ADAMTS17: variants seen among roughly 807,000 people sequenced by gnomAD.
ADAMTS17 encodes the protein ADAM metallopeptidase with thrombospondin type 1 motif 17, also known as A disintegrin and metalloproteinase with thrombospondin motifs 17.
A neutral mutation model predicts 141.5 loss-of-function variants in ADAMTS17; 113 were observed. The ratio of observed to expected loss-of-function variants is 0.80; its 90% CI spans 0.69 to 0.93. ADAMTS17 has a LOEUF of 0.93. Ranked by LOEUF, ADAMTS17 falls within the 40% of genes least tolerant of loss-of-function variation. The probability of loss-of-function intolerance (pLI) is 0.00; values close to 1 mark genes in which losing one functional copy is unlikely to be tolerated. For synonymous variants in ADAMTS17, 768 were observed against 630.6 expected, an observed-to-expected ratio of 1.22 and a Z score of -3.27; for missense variants, 1,659 against 1,517.9, an observed-to-expected ratio of 1.09 and a Z score of -1.54.
chr15:100,199,241 C>G lies in ADAMTS17; in HGVS notation c.1181+77G>C, dbSNP rs2041230238. 5 of 1,337,180 alleles carry G rather than the reference C, an allele frequency of 3.7e-6. No individual in the cohort carries two copies. The South Asian group carries it at 5.9e-5, about 16-fold the overall frequency. The allele number at this position is 1,337,180 out of a possible 1,614,324, so 82.8% of individuals were successfully genotyped here. On this transcript the variant is annotated intron_variant, in intron 8 of 21. Coordinates refer to ENST00000268070, the MANE Select transcript of ADAMTS17 (RefSeq NM_139057.4). ...GGCATAGAGCAGCACTGTTTTAGAA[C>G]TTACAGAATTCAAGTGAAAAATCTG... is the stretch of plus-strand genomic sequence containing the variant.
At chr15:100,131,225 G>T (rs1567225576) in intron 12 of ADAMTS17, among the ~76,000 whole-genome samples, 1 of 112,364 alleles carries the variant, frequency 8.9e-6, no homozygotes, top group Non-Finnish European at 2.3e-5. Flanking sequence ...CGAGGGGGTT[G>T]AGGGGCAAGG....
At chr15:100,143,801 T>C (rs1423081387) in intron 10 of ADAMTS17, among the ~76,000 whole-genome samples, 5 of 152,256 alleles carry the variant, frequency 3.3e-5, no homozygotes, top group African/African-American at 1.2e-4. Flanking sequence ...ATTTGAAGCC[T>C]AGACTGCTCC....
chr15:100,096,910 C>T (rs1224032259), intron 14 of ADAMTS17, among the ~76,000 whole-genome samples: 1 of 152,228 alleles, frequency 6.6e-6, no homozygotes, highest in African/African-American at 2.4e-5. Flanking sequence ...GCTGAAACAA[C>T]CAGTAGTCTC....
intron 14 of ADAMTS17, among the ~76,000 whole-genome samples, chr15:100,099,150 C>T (rs2035944959): frequency 6.6e-6 from 1 of 152,146 alleles, no homozygotes; most frequent in African/African-American, 2.4e-5. Context: ...ACAGCGTTGC[C>T]CTTTCAGTTA....
chr15:100,220,437 T>A (rs868677817), intron 7 of ADAMTS17, among the ~76,000 whole-genome samples: 1 of 152,202 alleles, frequency 6.6e-6, no homozygotes, highest in Non-Finnish European at 1.5e-5. Context: ...AGTAACATGA[T>A]CAGCTCTAGT....
intron 7 of ADAMTS17, among the ~76,000 whole-genome samples, chr15:100,216,867 T>G (rs146969193): frequency 6.6e-6 from 1 of 152,354 alleles, no homozygotes; most frequent in East Asian, 1.9e-4. Context: ...TTACTAAGAT[T>G]AGATTCGAAA....
chr15:100,226,226 T>G (rs2042310124), intron 7 of ADAMTS17, among the ~76,000 whole-genome samples: 1 of 152,228 alleles, frequency 6.6e-6, no homozygotes, highest in Non-Finnish European at 1.5e-5. Context: ...TGGGTGCTGC[T>G]CCAGGGTGAT....
intron 3 of ADAMTS17, among the ~76,000 whole-genome samples, chr15:100,290,281 C>T (rs999880897): frequency 6.6e-6 from 1 of 151,898 alleles, no homozygotes; most frequent in East Asian, 1.9e-4. Flanking sequence ...AATAAAATAC[C>T]CAGGAATAAG....
chr15:100,089,166 G>A (rs2035292681), intron 15 of ADAMTS17, among the ~76,000 whole-genome samples: 1 of 151,356 alleles, frequency 6.6e-6, no homozygotes, highest in Non-Finnish European at 1.5e-5. Context: ...CCATCAAAAA[G>A]TGGGCAAAGG....
chr15:100,262,884 A>G (rs1191039214), intron 4 of ADAMTS17, among the ~76,000 whole-genome samples: 2 of 152,160 alleles, frequency 1.3e-5, no homozygotes, highest in Non-Finnish European at 2.9e-5. Flanking sequence ...CATACGTGAG[A>G]AACATAACCC....
intron 7 of ADAMTS17, among the ~76,000 whole-genome samples, chr15:100,233,145 A>G (rs1041670272): frequency 6.6e-6 from 1 of 152,156 alleles, no homozygotes; most frequent in Non-Finnish European, 1.5e-5. Context: ...TCTGTCCAAC[A>G]TGGTGAAATC....
intron 18 of ADAMTS17, among the ~76,000 whole-genome samples, chr15:100,024,344 C>A (rs1003837536): frequency 6.6e-6 from 1 of 152,242 alleles, no homozygotes; most frequent in African/African-American, 2.4e-5. Flanking sequence ...AGTCCTCCCA[C>A]CTTGGCCTCC....
intron 4 of ADAMTS17, among the ~76,000 whole-genome samples, chr15:100,277,233 C>T (rs889645461): frequency 1.3e-5 from 2 of 152,040 alleles, no homozygotes; most frequent in Non-Finnish European, 2.9e-5. Context: ...CCCTCAGCCC[C>T]GGGCTCTTGA....
chr15:100,063,620 C>A, intron 15 of ADAMTS17: 4 of 1,274,366 alleles, frequency 3.1e-6, no homozygotes, highest in Non-Finnish European at 3.1e-6. Flanking sequence ...ATTTACCAGA[C>A]TGATCATCAA....
chr15:100,287,646 T>A (rs1466479637), intron 3 of ADAMTS17, among the ~76,000 whole-genome samples: 1 of 152,144 alleles, frequency 6.6e-6, no homozygotes, highest in Non-Finnish European at 1.5e-5. Flanking sequence ...AAGAGGTAGG[T>A]CACCTACGAA....
chr15:100,067,735 G>A (rs36114047), intron 15 of ADAMTS17, among the ~76,000 whole-genome samples: 27,136 of 151,838 alleles, frequency 0.18, 2,875 homozygotes, highest in East Asian at 0.51. Flanking sequence ...TCTTTTAACC[G>A]TTTATTAATT....
intron 3 of ADAMTS17, among the ~76,000 whole-genome samples, chr15:100,317,950 C>A (rs146751510): frequency 6.6e-6 from 1 of 152,096 alleles, no homozygotes; most frequent in African/African-American, 2.4e-5. Flanking sequence ...CATAGGACAG[C>A]GTCCTGTGAA....
chr15:100,324,161 C>T (rs565448668), intron 3 of ADAMTS17, among the ~76,000 whole-genome samples: 325 of 152,130 alleles, frequency 2.1e-3, no homozygotes, highest in South Asian at 8.7e-3. Context: ...AGAAATCAGT[C>T]GGGCGTGCTG....
chr15:100,113,004 T>C (rs536805239), intron 13 of ADAMTS17, among the ~76,000 whole-genome samples: 7 of 152,310 alleles, frequency 4.6e-5, no homozygotes, highest in African/African-American at 1.7e-4. Flanking sequence ...TTTGAGTTCA[T>C]CACAGCACTC....
Sources: allele counts gnomAD v4.1 joint callset (sites outside exome capture counted in the v4.1 genomes callset), GRCh38; gene constraint gnomAD v4.1.1; transcripts MANE v1.5; gene names NCBI Gene and HGNC (gene_info 2026-07-23, HGNC 2026-07-21).